The following PSMD12 variants were observed in gnomAD, a reference collection of about 807,000 sequenced individuals.
The protein encoded by PSMD12 is proteasome 26S subunit, non-ATPase 12.
In PSMD12, 8 loss-of-function variants were observed where a neutral mutation model predicts 62.9. The observed-to-expected ratio is 0.13, with a 90% CI of 0.07 to 0.23. PSMD12 has a LOEUF of 0.23. Ranked by LOEUF, PSMD12 falls within the 10% of genes least tolerant of loss-of-function variation. The pLI, the probability that PSMD12 is intolerant of heterozygous loss-of-function variation, is 1.00. For missense variants in PSMD12, 424 were observed against 550.2 expected (o/e 0.77, Z 2.29); for synonymous variants, 173 against 187.4 (o/e 0.92, Z 0.63).
At chr17:67,351,537 T>G (rs898408077) in intron 3 of PSMD12, among the ~76,000 whole-genome samples, 5 of 151,874 alleles carry the variant, frequency 3.3e-5, no homozygotes, top group African/African-American at 1.2e-4. Flanking sequence ...ACGAAAAACA[T>G]TTAATGTTTA....
At chr17:67,344,832 A>C (rs1182723673) in intron 8 of PSMD12, 52 bp from the exon 9 acceptor site, 1 of 1,375,792 alleles carries the variant, frequency 7.3e-7, no homozygotes, top group East Asian at 2.5e-5. Flanking sequence ...TTAAGTATTA[A>C]CTAATATAAT....
At position 67,350,219 on chromosome 17, in the gene PSMD12, G is replaced by C; in HGVS notation, c.405+10C>G. The C allele has an allele frequency of 6.3e-7, 1 of 1,578,372 alleles. No individual in the cohort carries two copies. ...CATATCATTTTGAGTTATGTCAACAGAAAATTTACCTTGCCTTCGGTAACC... is the reference window on the plus strand; with the variant it reads ...CATATCATTTTGAGTTATGTCAACACAAAATTTACCTTGCCTTCGGTAACC... On this transcript the variant is annotated intron_variant, in intron 4 of 10. Coordinates refer to ENST00000356126, the MANE Select transcript of PSMD12 (RefSeq NM_002816.5).
At chr17:67,366,319 C>A in intron 1 of PSMD12, 93 bp downstream of exon 1, 2 of 1,236,864 alleles carry the variant, frequency 1.6e-6, no homozygotes, top group Non-Finnish European at 1.1e-6. Context: ...GGGGGGTGCA[C>A]GCTCCAGCCC....
intron 9 of PSMD12, among the ~76,000 whole-genome samples, chr17:67,342,909 C>A (rs1183333141): frequency 1.4e-5 from 2 of 148,040 alleles, no homozygotes; most frequent in Non-Finnish European, 3.0e-5. Context: ...GTACTCCAGT[C>A]TGGATGACAG....
chr17:67,344,872 G>T lies in PSMD12; in HGVS notation c.909-92C>A, dbSNP rs555704966. 1,858 of 1,086,396 alleles carry T rather than the reference G, an allele frequency of 1.7e-3. 26 individuals carry two copies. In the South Asian group the frequency reaches 0.027, roughly 16 times the overall value. The allele number at this position is 1,086,396 out of a possible 1,614,324, so 67.3% of individuals were successfully genotyped here. ...AAGTTCAAAAAATTCAGCAAAGACT[G>T]TTTTCGTTAAATTTTATTTAGTAGA... is the stretch of plus-strand genomic sequence containing the variant. On this transcript the variant is annotated intron_variant, in intron 8 of 10. Transcript: ENST00000356126.
At chr17:67,346,442 G>A (rs928091970) in intron 7 of PSMD12, among the ~76,000 whole-genome samples, 3 of 151,436 alleles carry the variant, frequency 2.0e-5, no homozygotes, top group South Asian at 2.1e-4. Context: ...GCACATGCCT[G>A]TAGTCCCGGC....
In PSMD12 at chr17:67,339,372, A is replaced by G. The variant is rs999594801; in HGVS notation, c.*1471T>C. On this transcript the variant is annotated 3_prime_UTR_variant, in exon 11 of 11. Transcript: ENST00000356126. ...ATGATCCACCCGCCTTGGCCTCCCAAAGTGCTGGGATCCACTGCACCCGGC... is the reference window on the plus strand; with the variant it reads ...ATGATCCACCCGCCTTGGCCTCCCAGAGTGCTGGGATCCACTGCACCCGGC... 5 of 152,168 alleles carry G rather than the reference A, an allele frequency of 3.3e-5. No homozygotes were observed. The highest frequency in any genetic ancestry group is 9.7e-5 in the African/African-American group (4 of 41,446). The allele number at this position is 152,168 out of a possible 1,614,324, so 9.4% of individuals were successfully genotyped here.
chr17:67,355,020 C>A (rs2042054147), intron 3 of PSMD12, among the ~76,000 whole-genome samples: 1 of 151,660 alleles, frequency 6.6e-6, no homozygotes, highest in African/African-American at 2.4e-5. Context: ...ATTTCACATT[C>A]ACATATTTTA....
chr17:67,359,920 C>A (rs189415507), intron 1 of PSMD12, among the ~76,000 whole-genome samples: 164 of 152,252 alleles, frequency 1.1e-3, no homozygotes, highest in Middle Eastern at 3.4e-3. Flanking sequence ...ACTAGAAAGA[C>A]GGCTAGGCAT....
chr17:67,340,652 T>G lies in PSMD12; in HGVS notation c.*191A>C, dbSNP rs552157501. The G allele has an allele frequency of 4.4e-6, 2 of 459,560 alleles. No individual in the cohort carries two copies. Among genetic ancestry groups the G allele is most frequent in the Non-Finnish European group, 7.5e-6 (2 of 267,848 alleles). The allele number at this position is 459,560 out of a possible 1,614,324, so 28.5% of individuals were successfully genotyped here. A position where few individuals can be genotyped will look rare whatever the true frequency, so the allele number is the denominator to read the frequency against. On this transcript the variant is annotated 3_prime_UTR_variant, in exon 11 of 11. Transcript: ENST00000356126. ...TTCAGACGACAGAAATCTGTATTTT[T>G]GCACCAATTGCAAATGCAAAGTTAA...
intron 9 of PSMD12, among the ~76,000 whole-genome samples, chr17:67,343,179 C>T (rs1239426613): frequency 6.6e-6 from 1 of 152,074 alleles, no homozygotes; most frequent in Non-Finnish European, 1.5e-5. Flanking sequence ...GAAGCTACAT[C>T]TTCTCCCATC....
intron 4 of PSMD12, among the ~76,000 whole-genome samples, chr17:67,349,414 A>G (rs965620174): frequency 4.6e-5 from 7 of 152,244 alleles, no homozygotes; most frequent in Non-Finnish European, 5.9e-5. Flanking sequence ...GACATTTTAT[A>G]TTTCACAAAT....
chr17:67,345,959 T>A, intron 7 of PSMD12, 102 bp from the exon 8 acceptor site: 2 of 1,125,546 alleles, frequency 1.8e-6, no homozygotes, highest in Non-Finnish European at 2.5e-6. Context: ...TTTCAAATTT[T>A]AAAGTCTTGG....
chr17:67,356,015 C>CGTGT (rs1296880307), intron 3 of PSMD12, among the ~76,000 whole-genome samples: 1 of 145,170 alleles, frequency 6.9e-6, no homozygotes. Context: ...CACACGCACA[C>CGTGT]ACACACAAGA....
chr17:67,361,286 T>G (rs1159118120), intron 1 of PSMD12: 1 of 152,138 alleles, frequency 6.6e-6, no homozygotes. Flanking sequence ...AAAAGGCTAA[T>G]AAAAAGTCAC....
Position 67,351,042 on chromosome 17 carries a change from C to A in PSMD12, c.298-706G>T, listed in dbSNP as rs145681975. Among the ~76,000 whole-genome samples, 400 of 152,092 alleles carry A rather than the reference C, an allele frequency of 2.6e-3. 1 individual carries two copies. Among genetic ancestry groups the A allele is most frequent in the Middle Eastern group, 0.014 (4 of 288 alleles). Reference sequence around the variant, plus strand: ...AGGCGGGTGGGATTTGATTTGTGTCCCATCATTTGCCAATGTTTGATCTAG... The same window carrying A: ...AGGCGGGTGGGATTTGATTTGTGTCACATCATTTGCCAATGTTTGATCTAG... On this transcript the variant is annotated intron_variant, in intron 3 of 10. Transcript: ENST00000356126.
chr17:67,338,553 T>C lies in PSMD12; in HGVS notation c.*2290A>G, dbSNP rs1466744071. 6.6e-6 allele frequency: 1 copy of C among 152,180 alleles called. No individual in the cohort carries two copies. Among genetic ancestry groups the C allele is most frequent in the Non-Finnish European group, 1.5e-5 (1 of 68,042 alleles). 9.4% of individuals were successfully genotyped at this position (152,180 alleles called of 1,614,324 possible). ...AATACACAAAGAGCCTAGTGTGTGT[T>C]AAAGAAAGACGAAAGAGGAGTTGGG... On this transcript the variant is annotated 3_prime_UTR_variant, in exon 11 of 11. Transcript: ENST00000356126.
chr17:67,341,469 CAAA>C (rs71368819), intron 10 of PSMD12, among the ~76,000 whole-genome samples: 6 of 51,140 alleles, frequency 1.2e-4, no homozygotes, highest in Admixed American at 9.0e-4. Flanking sequence ...GACTCTGCCT[CAAA>C]AAAAAAAAAA....
Position 67,366,457 on chromosome 17 carries a change from G to C in PSMD12, c.63C>G (p.Ser21Arg). 1.9e-6 allele frequency: 3 copies of C among 1,612,260 alleles called. No individual in the cohort carries two copies. The highest frequency in any genetic ancestry group is 2.5e-6 in the Non-Finnish European group (3 of 1,179,436). ...CGGGTAGGCGCTGATCCACCGTGGC[G>C]CTGTAGTCCACCTCCATCTTGACGA... ...GRIVKMEVDY[S>R]ATVDQRLPEC... Residue 21 changes from serine (S) to arginine (R), a missense_variant, in exon 1 of 11, where the codon AGC becomes AGG. Physicochemically the swap from Ser to Arg is moderately radical, Grantham distance 110 (BLOSUM62 -1). Transcript: ENST00000356126.
Sources: allele counts gnomAD v4.1 joint callset (sites outside exome capture counted in the v4.1 genomes callset), GRCh38; gene constraint gnomAD v4.1.1; transcripts MANE v1.5; gene names NCBI Gene and HGNC (gene_info 2026-07-23, HGNC 2026-07-21).